Variants in KHDRBS2 observed in about 807,000 individuals in gnomAD.
KHDRBS2 encodes KH domain-containing, RNA-binding, signal transduction-associated protein 2.
A neutral mutation model predicts 44.3 loss-of-function variants in KHDRBS2; 26 were observed. That is an observed-to-expected ratio of 0.59 (90% CI 0.43 to 0.81). The LOEUF (loss-of-function observed/expected upper bound fraction) is 0.81, where lower values mean the gene tolerates loss of function less well. Among genes scored for constraint, KHDRBS2 ranks in the 40% least tolerant of loss-of-function variants. The probability of loss-of-function intolerance (pLI) is 0.00; values close to 1 mark genes in which losing one functional copy is unlikely to be tolerated. For synonymous variants in KHDRBS2, 194 were observed against 151.1 expected (o/e 1.28, Z -2.08); for missense variants, 476 against 433.1 (o/e 1.10, Z -0.88).
intron 6 of KHDRBS2, among the ~76,000 whole-genome samples, chr6:61,803,556 T>A (rs1786632034): frequency 6.6e-6 from 1 of 152,166 alleles, no homozygotes; most frequent in African/African-American, 2.4e-5. Flanking sequence ...AAAATAATAC[T>A]ATTGGGCAGT....
At chr6:61,794,995 T>C (rs1715035) in intron 6 of KHDRBS2, among the ~76,000 whole-genome samples, 24,516 of 151,298 alleles carry the variant, frequency 0.16, 2,507 homozygotes, top group South Asian at 0.27. Context: ...AAAAATTAGC[T>C]GGGCATGGTG....
chr6:61,869,623 C>T (rs1354427896), intron 6 of KHDRBS2, among the ~76,000 whole-genome samples: 3 of 152,110 alleles, frequency 2.0e-5, no homozygotes, highest in African/African-American at 7.2e-5. Flanking sequence ...GCGAGATTGA[C>T]GCAGAAGACG....
chr6:62,003,437 A>G (rs1778635558), intron 3 of KHDRBS2, among the ~76,000 whole-genome samples: 1 of 152,044 alleles, frequency 6.6e-6, no homozygotes, highest in Non-Finnish European at 1.5e-5. Context: ...ACATCTTTCA[A>G]CTTCATGATT....
chr6:61,624,426 C>CAGGA, the KHDRBS2 span, among the ~76,000 whole-genome samples: 1 of 152,176 alleles, frequency 6.6e-6, no homozygotes, highest in Admixed American at 6.5e-5. Flanking sequence ...CTAGAAGAAC[C>CAGGA]AGGAGATCAC....
chr6:62,014,917 C>G (rs1054063483), intron 3 of KHDRBS2, among the ~76,000 whole-genome samples: 6 of 152,058 alleles, frequency 3.9e-5, no homozygotes, highest in Non-Finnish European at 8.8e-5. Flanking sequence ...TCTTAATACA[C>G]AAAGATATAT....
intron 7 of KHDRBS2, among the ~76,000 whole-genome samples, chr6:61,717,134 C>G (rs2000401): frequency 0.8 from 121,495 of 151,968 alleles, 49,078 homozygotes; most frequent in African/African-American, 0.91. Context: ...TTCATAAAAA[C>G]TATTTTAATG....
intron 6 of KHDRBS2, among the ~76,000 whole-genome samples, chr6:61,851,113 A>T (rs1795340694): frequency 6.6e-6 from 1 of 151,988 alleles, no homozygotes; most frequent in Non-Finnish European, 1.5e-5. Context: ...TGCCCTCTAC[A>T]ATATTGTTAG....
At chr6:61,601,764 A>G in the KHDRBS2 span, among the ~76,000 whole-genome samples, 122,091 of 151,526 alleles carry the variant, frequency 0.81, 49,673 homozygotes, top group African/African-American at 0.91. Context: ...AGGCTGAGCC[A>G]GGTCCCAATT....
At chr6:62,215,529 A>G (rs1829833673) in intron 1 of KHDRBS2, among the ~76,000 whole-genome samples, 1 of 151,868 alleles carries the variant, frequency 6.6e-6, no homozygotes, top group African/African-American at 2.4e-5. Flanking sequence ...GAAATAGGAG[A>G]CATTGTGAAG....
At chr6:62,227,206 G>A (rs542710035) in intron 1 of KHDRBS2, among the ~76,000 whole-genome samples, 228 of 152,174 alleles carry the variant, frequency 1.5e-3, no homozygotes, top group Middle Eastern at 3.4e-3. Context: ...CTTGAGAAGC[G>A]GTTTGTAGTT....
intron 1 of KHDRBS2, among the ~76,000 whole-genome samples, chr6:62,275,076 C>T (rs992695420): frequency 1.3e-5 from 2 of 150,708 alleles, no homozygotes; most frequent in African/African-American, 2.4e-5. Flanking sequence ...CAAAGGGAAA[C>T]CATTTGGTTT....
In KHDRBS2 at chr6:61,736,296, T is replaced by A. The variant is rs76112535; in HGVS notation, c.811-3532A>T. Among the ~76,000 whole-genome samples, 169 of 151,190 alleles carry A rather than the reference T, an allele frequency of 1.1e-3. 1 individual carries two copies. The East Asian group carries it at 0.021, about 19-fold the overall frequency. Reference sequence around the variant, plus strand: ...GGATGTTTTGTGTTCTCAGGTATAGTTTAAGCATCCCATTCTTAGCCCAAG... The same window carrying A: ...GGATGTTTTGTGTTCTCAGGTATAGATTAAGCATCCCATTCTTAGCCCAAG... On this transcript the variant is annotated intron_variant, in intron 6 of 8. Transcript: ENST00000281156.
At chr6:61,832,425 T>C (rs1486492970) in intron 6 of KHDRBS2, among the ~76,000 whole-genome samples, 3 of 152,108 alleles carry the variant, frequency 2.0e-5, no homozygotes, top group Non-Finnish European at 4.4e-5. Flanking sequence ...TTCAAGTAAC[T>C]TCAAAAGTGC....
the KHDRBS2 span, among the ~76,000 whole-genome samples, chr6:61,666,939 A>G: frequency 5.5e-4 from 83 of 150,742 alleles, no homozygotes; most frequent in Non-Finnish European, 9.5e-4. Flanking sequence ...TGTTTAGTAA[A>G]TTAAATTAAG....
intron 2 of KHDRBS2, among the ~76,000 whole-genome samples, chr6:62,133,237 T>C (rs917921683): frequency 3.3e-5 from 5 of 152,152 alleles, no homozygotes; most frequent in African/African-American, 9.7e-5. Flanking sequence ...GTAGCTCCTA[T>C]AATTCCCACG....
At chr6:61,605,061 C>T in the KHDRBS2 span, among the ~76,000 whole-genome samples, 1 of 152,170 alleles carries the variant, frequency 6.6e-6, no homozygotes, top group Non-Finnish European at 1.5e-5. Flanking sequence ...TCACCAAGCT[C>T]AGCCACCAAC....
At chr6:62,022,481 A>G (rs1376277332) in intron 3 of KHDRBS2, among the ~76,000 whole-genome samples, 2 of 151,774 alleles carry the variant, frequency 1.3e-5, no homozygotes, top group East Asian at 3.9e-4. Context: ...TGTATTGGCC[A>G]TCTTACTAGG....
chr6:62,058,896 T>C lies in KHDRBS2; in HGVS notation c.220-10902A>G, dbSNP rs145423912. Among the ~76,000 whole-genome samples, 1,296 of 151,950 alleles carry C rather than the reference T, an allele frequency of 8.5e-3. 19 individuals are homozygous for C. Among genetic ancestry groups the C allele is most frequent in the African/African-American group, 0.03 (1,227 of 41,512 alleles). On this transcript the variant is annotated intron_variant, in intron 2 of 8. Coordinates refer to ENST00000281156, the MANE Select transcript of KHDRBS2 (RefSeq NM_152688.4). ...TATCAATATATTACCACAAATATAA[T>C]TTATTCAATGGACATATTTGTATAA...
intron 2 of KHDRBS2, among the ~76,000 whole-genome samples, chr6:62,165,848 T>C (rs931295202): frequency 6.6e-6 from 1 of 151,958 alleles, no homozygotes; most frequent in African/African-American, 2.4e-5. Flanking sequence ...TTAACTAATT[T>C]TAAGTGCACG....
Sources: allele counts gnomAD v4.1 joint callset (sites outside exome capture counted in the v4.1 genomes callset), GRCh38; gene constraint gnomAD v4.1.1; transcripts MANE v1.5; gene names NCBI Gene and HGNC (gene_info 2026-07-23, HGNC 2026-07-21).